Variants in MGAT5B observed in about 807,000 individuals in gnomAD.
The protein encoded by MGAT5B is alpha-1,6-mannosylglycoprotein 6-beta-N-acetylglucosaminyltransferase B.
Under a neutral mutation model 95.1 loss-of-function variants are expected in MGAT5B, and 54 were observed. That is an observed-to-expected ratio of 0.57 (90% confidence interval 0.46 to 0.71). MGAT5B has a LOEUF of 0.71. Ranked by LOEUF, MGAT5B falls within the 30% of genes least tolerant of loss-of-function variation. The probability of loss-of-function intolerance (pLI) is 0.00; values close to 1 mark genes in which losing one functional copy is unlikely to be tolerated. For synonymous variants in MGAT5B, 464 were observed against 451.0 expected, an observed-to-expected ratio of 1.03 and a Z score of -0.36; for missense variants, 935 against 1,088.6, an observed-to-expected ratio of 0.86 and a Z score of 1.99.
At chr17:76,876,797 A>T (rs898155990) in intron 2 of MGAT5B, among the ~76,000 whole-genome samples, 8 of 152,194 alleles carry the variant, frequency 5.3e-5, no homozygotes, top group Admixed American at 2.0e-4. Flanking sequence ...TGCATGGGGA[A>T]TCATGACCCG....
At position 76,947,851 on chromosome 17, in the gene MGAT5B, C is replaced by A; in HGVS notation, c.1945C>A (p.Pro649Thr). The change falls in exon 17 of 18, where the codon CCT (proline) becomes ACT (threonine). Residue 649 changes from proline (P) to threonine (T), a missense_variant. By Grantham distance (38) the Pro-to-Thr change is conservative. Around this residue, in one of 4 missense-constraint regions of MGAT5B, gnomAD observed 440 missense variants for 523.6 expected, o/e 0.84. Transcript: ENST00000569840. Reference protein sequence around the residue: ...QHQDFCRAPDPALPEAHAPQS... With the variant: ...QHQDFCRAPDTALPEAHAPQS... ...GCAGGACTTCTGCAGAGCTCCAGACCCTGCCCTACCAGAGGCCCACGCCCC... is the reference window on the plus strand; with the variant it reads ...GCAGGACTTCTGCAGAGCTCCAGACACTGCCCTACCAGAGGCCCACGCCCC... 1 of 1,586,100 alleles carries A rather than the reference C, an allele frequency of 6.3e-7. No homozygotes were observed.
chr17:76,942,052 G>T (rs372385968), intron 15 of MGAT5B, among the ~76,000 whole-genome samples: 1 of 152,218 alleles, frequency 6.6e-6, no homozygotes, highest in Non-Finnish European at 1.5e-5. Flanking sequence ...CGGTGACGGA[G>T]GGTGGGGCGC....
chr17:76,879,645 A>G (rs1598893194), intron 2 of MGAT5B, among the ~76,000 whole-genome samples: 1 of 152,192 alleles, frequency 6.6e-6, no homozygotes, highest in Non-Finnish European at 1.5e-5. Context: ...CAGGCAGGTC[A>G]TCTGATGTCC....
intron 2 of MGAT5B, 105 bp downstream of exon 2, chr17:76,873,068 G>A: frequency 1.6e-6 from 2 of 1,259,224 alleles, no homozygotes; most frequent in South Asian, 2.7e-5. Flanking sequence ...TGGCCGCCCT[G>A]TAGGTGGATG....
In MGAT5B at chr17:76,939,281, C is replaced by T. The variant is rs772050104; in HGVS notation, c.1585-1121C>T. On this transcript the variant is annotated intron_variant, in intron 13 of 17. Transcript: ENST00000569840. Reference sequence around the variant, plus strand: ...TTGGGAGGCCGAGGTGGGCGGATCACGAGGTTAGGATATCGAGACCATCCT... The same window carrying T: ...TTGGGAGGCCGAGGTGGGCGGATCATGAGGTTAGGATATCGAGACCATCCT... Among the ~76,000 whole-genome samples the T allele has an allele frequency of 3.0e-4, 45 of 151,874 alleles. 1 individual carries two copies. The highest frequency in any genetic ancestry group is 1.7e-4 in the African/African-American group (7 of 41,330).
intron 8 of MGAT5B, among the ~76,000 whole-genome samples, chr17:76,919,159 T>C (rs1481865159): frequency 6.6e-6 from 1 of 152,254 alleles, no homozygotes; most frequent in Admixed American, 6.5e-5. Context: ...TTTGAATTCC[T>C]AGCCGAGGGT....
intron 9 of MGAT5B, 36 bp downstream of exon 9, chr17:76,925,133 C>T (rs1969262267): frequency 6.2e-7 from 1 of 1,608,954 alleles, no homozygotes; most frequent in Admixed American, 1.7e-5. Context: ...ACGTGGCCCA[C>T]ATGCCAGGGG....
chr17:76,891,433 G>A (rs1967865051), intron 3 of MGAT5B, among the ~76,000 whole-genome samples: 1 of 151,970 alleles, frequency 6.6e-6, no homozygotes, highest in Non-Finnish European at 1.5e-5. Flanking sequence ...AGTCTGGAGT[G>A]TAGTGGTACA....
In MGAT5B at chr17:76,872,933, G is replaced by T. The variant is rs1598882933; in HGVS notation, c.151G>T (p.Gly51Trp). The change falls in exon 2 of 18, where the codon GGG becomes TGG. Residue 51 changes from glycine to tryptophan, a missense_variant. This residue lies in a region of MGAT5B where 243 missense variants were observed against 228.2 expected (regional missense o/e 1.06). Coordinates refer to ENST00000569840, the MANE Select transcript of MGAT5B (RefSeq NM_001199172.2). ...AGGCCAGTTCTCGGCCCGGCGCCTG[G>T]GGGACTCGCCATTCACCATCCGCAC... Reference protein sequence around the residue: ...LGGQFSARRLGDSPFTIRTEV... With the variant: ...LGGQFSARRLWDSPFTIRTEV... The T allele has an allele frequency of 6.2e-7, 1 of 1,614,104 alleles. No homozygotes were observed. Among genetic ancestry groups the T allele is most frequent in the East Asian group, 2.2e-5 (1 of 44,886 alleles).
At chr17:76,939,029 G>GGGGGTGTGTGTGTGTGTGTGTGT (rs1237086611) in intron 13 of MGAT5B, among the ~76,000 whole-genome samples, 1 of 128,190 alleles carries the variant, frequency 7.8e-6, no homozygotes, top group Non-Finnish European at 1.6e-5. Flanking sequence ...GCATCTTGGG[G>GGGGGTGTGTGTGTGTGTGTGTGT]GTGTGTGTGT....
rs769315785 is a variant in MGAT5B at position 76,926,578 on chromosome 17, TG to T, written c.1158-17del. ...CGGGGAGGTTGCTGACCCTGGTTCC[TG>T]GTCCCCTGGGGGGGCAGGTGCCGAA... On this transcript the variant is annotated intron_variant, in intron 9 of 17. Transcript: ENST00000569840. 1.8e-5 allele frequency: 29 copies of T among 1,601,408 alleles called. No individual in the cohort carries two copies. The East Asian group carries it at 3.1e-4, about 17-fold the overall frequency.
chr17:76,908,342 A>T (rs772914225), intron 8 of MGAT5B, among the ~76,000 whole-genome samples: 23 of 140,398 alleles, frequency 1.6e-4, no homozygotes, highest in Non-Finnish European at 2.7e-4. Flanking sequence ...TGGCACAATC[A>T]TGGCTCACAG....
In MGAT5B at chr17:76,939,337, A is replaced by G. The variant is rs1458516986; in HGVS notation, c.1585-1065A>G. 2.6e-5 allele frequency among the ~76,000 whole-genome samples: 4 copies of G among 151,806 alleles called. No individual in the cohort carries two copies. The East Asian group carries it at 7.8e-4, about 29-fold the overall frequency. The stretch of plus-strand genomic sequence containing the variant: ...ACATGGTGAAACCCTGTCTCTACTA[A>G]AATACAAACAAACAAACAAACAAAA... On this transcript the variant is annotated intron_variant, in intron 13 of 17. Coordinates refer to ENST00000569840, the MANE Select transcript of MGAT5B (RefSeq NM_001199172.2).
Position 76,938,149 on chromosome 17 carries a change from C to T in MGAT5B, c.1584+6C>T. On this transcript the variant is annotated splice_donor_region_variant and intron_variant, in intron 13 of 17. Transcript: ENST00000569840. The surrounding 1 kb of genome is among the most constrained non-coding windows in gnomAD (Gnocchi z 4.3). ...AGCTGCTGCGCAAGGCCAAAGTGAGCTCCCATCCCCCGCACCATTCTCACA... is the reference window on the plus strand; with the variant it reads ...AGCTGCTGCGCAAGGCCAAAGTGAGTTCCCATCCCCCGCACCATTCTCACA... 1 of 1,613,672 alleles carries T rather than the reference C, an allele frequency of 6.2e-7. No individual in the cohort carries two copies. Among genetic ancestry groups the T allele is most frequent in the Admixed American group, 1.7e-5 (1 of 60,012 alleles).
At chr17:76,939,810 T>G (rs1304712023) in intron 13 of MGAT5B, among the ~76,000 whole-genome samples, 2 of 151,872 alleles carry the variant, frequency 1.3e-5, no homozygotes, top group African/African-American at 4.8e-5. Flanking sequence ...ACTTAGGATA[T>G]TGGCCTCCTG....
At chr17:76,947,176 G>T (rs1225045431) in intron 16 of MGAT5B, among the ~76,000 whole-genome samples, 1 of 152,212 alleles carries the variant, frequency 6.6e-6, no homozygotes, top group Admixed American at 6.5e-5. Context: ...GGGGCAGGTG[G>T]CCGTATGGCT....
intron 17 of MGAT5B, 122 bp downstream of exon 17, chr17:76,948,208 T>C: frequency 6.9e-7 from 1 of 1,439,626 alleles, no homozygotes; most frequent in Non-Finnish European, 9.1e-7. Context: ...TGTAATGCTT[T>C]CCAATGAGTC....
chr17:76,877,351 A>AAG (rs397815777), intron 2 of MGAT5B, among the ~76,000 whole-genome samples: 1 of 148,892 alleles, frequency 6.7e-6, no homozygotes, highest in East Asian at 2.0e-4. Context: ...AAAAAAAAAA[A>AAG]GTAGTGGTAG....
At chr17:76,875,701 G>A (rs981390102) in intron 2 of MGAT5B, among the ~76,000 whole-genome samples, 2 of 121,906 alleles carry the variant, frequency 1.6e-5, no homozygotes, top group African/African-American at 6.3e-5. Flanking sequence ...TCCATTGTGT[G>A]AGTACACCAC....
Sources: gnomAD v4.1 joint callset for allele counts (sites outside exome capture counted in the v4.1 genomes callset) on GRCh38, gnomAD v4.1.1 for gene constraint, gnomAD v4.1.1 regional missense constraint, Gnocchi (gnomAD v3.1) non-coding constraint, MANE v1.5 for transcripts, NCBI Gene and HGNC (gene_info 2026-07-23, HGNC 2026-07-21) for gene names.